TP73: variants seen among roughly 807,000 people sequenced by gnomAD.
TP73 encodes the protein tumor protein p73, also known as p53-like transcription factor.
Under a neutral mutation model 62.5 loss-of-function variants are expected in TP73, and 25 were observed. The observed-to-expected ratio is 0.40, with a 90% CI of 0.29 to 0.56. The LOEUF (loss-of-function observed/expected upper bound fraction) is 0.56. TP73 is among the 20% of genes least tolerant of loss of function. The pLI, the probability that TP73 is intolerant of heterozygous loss-of-function variation, is 0.46. For synonymous variants in TP73, 423 were observed against 377.5 expected, an observed-to-expected ratio of 1.12 and a Z score of -1.40; for missense variants, 754 against 913.3, an observed-to-expected ratio of 0.83 and a Z score of 2.25.
intron 1 of TP73, chr1:3,668,664 T>A (rs1438212211): frequency 6.6e-6 from 1 of 152,180 alleles, no homozygotes; most frequent in East Asian, 1.9e-4. Context: ...GATGAGACGG[T>A]CTCATAGGTG....
intron 7 of TP73, 65 bp from the exon 8 acceptor site, chr1:3,727,563 G>C: frequency 6.4e-7 from 1 of 1,552,162 alleles, no homozygotes; most frequent in Non-Finnish European, 8.7e-7. Flanking sequence ...AGGTGGGTGG[G>C]GAAGGTGGGC....
rs201857112 is a variant in TP73 at position 3,730,018 on chromosome 1, G to A, written c.1215G>A (p.Pro405=). 2.4e-5 allele frequency: 38 copies of A among 1,605,712 alleles called. No individual in the cohort carries two copies. The highest frequency in any genetic ancestry group is 5.3e-5 in the African/African-American group (4 of 74,922). ...TGAGCAGGAGTCACCTACAGCCCCCGTCCTACGGGCCGGTCCTCTCGCCCA... is the reference window on the plus strand; with the variant it reads ...TGAGCAGGAGTCACCTACAGCCCCCATCCTACGGGCCGGTCCTCTCGCCCA... The part of the protein sequence containing the change: ...LLQRPSHLQP[P]SYGPVLSPMN... Residue 405 remains proline (P), a synonymous_variant, in exon 11 of 14, where the codon CCG becomes CCA. Coordinates refer to ENST00000378295, the MANE Select transcript of TP73 (RefSeq NM_005427.4).
At position 3,663,871 on chromosome 1, in the gene TP73, G is replaced by T. The variant is rs984635140; in HGVS notation, c.-34+11230G>T. ...ATGGCCTGCCTCAGGGTGACAGGGA[G>T]CAGGAGAGAGCATACCTGCTTTCCC... is the stretch of plus-strand genomic sequence containing the variant. On this transcript the variant is annotated intron_variant, in intron 1 of 13. Transcript: ENST00000378295. The surrounding 1 kb of genome is among the most constrained non-coding windows in gnomAD (Gnocchi z 4.7). Among the ~76,000 whole-genome samples the T allele has an allele frequency of 2.6e-5, 4 of 152,184 alleles. No homozygotes were observed. The highest frequency in any genetic ancestry group is 1.3e-4 in the Admixed American group (2 of 15,288).
chr1:3,661,410 A>G lies in TP73; in HGVS notation c.-34+8769A>G, dbSNP rs531925977. ...AGAAATGCAGAAAGTTAGATAGTTTAAAATACTCTTAGATCTGGCCAGGCA... is the reference window on the plus strand; with the variant it reads ...AGAAATGCAGAAAGTTAGATAGTTTGAAATACTCTTAGATCTGGCCAGGCA... On this transcript the variant is annotated intron_variant, in intron 1 of 13. Coordinates refer to ENST00000378295, the MANE Select transcript of TP73 (RefSeq NM_005427.4). Among the ~76,000 whole-genome samples, 10 of 152,290 alleles carry G rather than the reference A, an allele frequency of 6.6e-5. No individual in the cohort carries two copies. In the South Asian group the frequency reaches 2.1e-3, roughly 32 times the overall value.
At chr1:3,706,402 G>A (rs1284714729) in intron 3 of TP73, among the ~76,000 whole-genome samples, 13 of 147,316 alleles carry the variant, frequency 8.8e-5, no homozygotes, top group Admixed American at 8.7e-4. Flanking sequence ...GACAATCACG[G>A]TGCCCGCCGC....
intron 4 of TP73, among the ~76,000 whole-genome samples, chr1:3,721,263 A>T (rs1641046940): frequency 6.6e-6 from 1 of 152,238 alleles, no homozygotes; most frequent in African/African-American, 2.4e-5. Context: ...GAAGGGTGTC[A>T]TCCAGTCCTC....
chr1:3,682,915 G>C, intron 2 of TP73, 145 bp from the exon 3 acceptor site: 1 of 1,141,644 alleles, frequency 8.8e-7, no homozygotes, highest in South Asian at 1.8e-5. Context: ...GTGGAGGACA[G>C]AGATGGGATG....
intron 1 of TP73, among the ~76,000 whole-genome samples, chr1:3,654,325 G>A (rs896887655): frequency 6.6e-5 from 10 of 152,188 alleles, no homozygotes; most frequent in Admixed American, 3.3e-4. Context: ...GGCTCGGGAT[G>A]TGAGCCCTGC....
intron 1 of TP73, among the ~76,000 whole-genome samples, chr1:3,681,156 G>T (rs1422116237): frequency 6.6e-6 from 1 of 152,222 alleles, no homozygotes; most frequent in Admixed American, 6.5e-5. Flanking sequence ...GCTTCTATCA[G>T]CTCCCGCCTG....
chr1:3,664,429 G>A (rs1442394073), intron 1 of TP73, among the ~76,000 whole-genome samples: 1 of 152,224 alleles, frequency 6.6e-6, no homozygotes, highest in Non-Finnish European at 1.5e-5. Context: ...TGAGGGGGCA[G>A]GCTGCCCCTC....
intron 8 of TP73, 67 bp from the exon 9 acceptor site, chr1:3,728,062 C>A: frequency 6.7e-7 from 1 of 1,486,594 alleles, no homozygotes; most frequent in Admixed American, 1.9e-5. Context: ...GGTCTCCCTC[C>A]TCCCGGAAGG....
intron 3 of TP73, among the ~76,000 whole-genome samples, chr1:3,693,599 G>A (rs1014119888): frequency 5.3e-5 from 8 of 152,116 alleles, no homozygotes; most frequent in African/African-American, 9.7e-5. Flanking sequence ...GCTCGGCTGC[G>A]GGGCCCAATG....
chr1:3,707,718 C>A lies in TP73; in HGVS notation c.356C>A (p.Thr119Asn). 6.2e-7 allele frequency: 1 copy of A among 1,613,292 alleles called. No individual in the cohort carries two copies. Among genetic ancestry groups the A allele is most frequent in the Admixed American group, 1.7e-5 (1 of 60,028 alleles). ...CCGGCGCCTGTCATCCCCTCCAACA[C>A]CGACTACCCCGGACCCCACCACTTT... is the stretch of plus-strand genomic sequence containing the variant. ...MSPAPVIPSN[T>N]DYPGPHHFEV... The change falls in exon 4 of 14, where the codon ACC becomes AAC. Residue 119 changes from threonine to asparagine, a missense_variant. Thr to Asn is a moderately conservative substitution (Grantham distance 65). This residue lies in a region of TP73 where 235 missense variants were observed against 251.4 expected (regional missense o/e 0.93). Transcript: ENST00000378295.
intron 4 of TP73, among the ~76,000 whole-genome samples, chr1:3,715,305 G>A (rs1483464493): frequency 6.6e-6 from 1 of 152,142 alleles, no homozygotes; most frequent in East Asian, 1.9e-4. Flanking sequence ...CGCCTCTGCA[G>A]TGCCCAGTCT....
At chr1:3,726,440 T>G (rs1224581583) in intron 6 of TP73, among the ~76,000 whole-genome samples, 8 of 47,424 alleles carry the variant, frequency 1.7e-4, no homozygotes, top group East Asian at 7.1e-4. Flanking sequence ...GGGGTGGACG[T>G]GTGGGTGGGT....
intron 1 of TP73, among the ~76,000 whole-genome samples, chr1:3,677,738 G>C (rs12095743): frequency 1.4e-5 from 2 of 141,620 alleles, no homozygotes; most frequent in Non-Finnish European, 3.0e-5. Context: ...CTGTTGCCCA[G>C]ACTGGAGTGC....
chr1:3,689,792 G>T (rs773313640), intron 3 of TP73, among the ~76,000 whole-genome samples: 1 of 152,078 alleles, frequency 6.6e-6, no homozygotes, highest in Non-Finnish European at 1.5e-5. Flanking sequence ...TGAGAGCCAC[G>T]GCGCCCTGGG....
At chr1:3,690,596 G>C (rs12121865) in intron 3 of TP73, 5 of 1,256,650 alleles carry the variant, frequency 4.0e-6, no homozygotes, top group South Asian at 3.7e-5. Context: ...ACACATCACC[G>C]GGCAAGCTGA....
rs370589424 is a variant in TP73, at chr1:3,682,502, G to A, written c.65+72G>A. On this transcript the variant is annotated intron_variant, in intron 2 of 13. Coordinates refer to ENST00000378295, the MANE Select transcript of TP73 (RefSeq NM_005427.4). ...CTCTGGGCTAGCCTCAGCCACCTTCGCTGGGCTAACTGGGCCAGAGCAGGA... is the reference window on the plus strand; with the variant it reads ...CTCTGGGCTAGCCTCAGCCACCTTCACTGGGCTAACTGGGCCAGAGCAGGA... 3.4e-5 allele frequency: 46 copies of A among 1,351,404 alleles called. No individual in the cohort carries two copies. The African/African-American group carries it at 3.6e-4, about 10-fold the overall frequency. The allele number at this position is 1,351,404 out of a possible 1,614,324, so 83.7% of individuals were successfully genotyped here.
Sources: allele counts gnomAD v4.1 joint callset (sites outside exome capture counted in the v4.1 genomes callset), GRCh38; gene constraint gnomAD v4.1.1; regional missense constraint gnomAD v4.1.1; non-coding constraint Gnocchi (gnomAD v3.1); transcripts MANE v1.5; gene names NCBI Gene and HGNC (gene_info 2026-07-23, HGNC 2026-07-21).